MBOAT7: variants seen among roughly 807,000 people sequenced by gnomAD.
MBOAT7 encodes membrane-bound acylglycerophosphatidylinositol O-acyltransferase MBOAT7.
MBOAT7 carries 40 observed loss-of-function variants against 47.4 expected under a neutral mutation model. That is an observed-to-expected ratio of 0.84 (90% CI 0.66 to 1.10). The LOEUF (loss-of-function observed/expected upper bound fraction) is 1.10, where lower values mean the gene tolerates loss of function less well. MBOAT7 is among the 50% of genes least tolerant of loss of function. MBOAT7 has a pLI of 0.00. For missense variants in MBOAT7, 680 were observed against 655.6 expected (o/e 1.04, Z -0.41); for synonymous variants, 361 against 292.0 (o/e 1.24, Z -2.41).
intron 7 of MBOAT7, among the ~76,000 whole-genome samples, chr19:54,176,584 T>C (rs918766158): frequency 6.6e-6 from 1 of 152,088 alleles, no homozygotes; most frequent in African/African-American, 2.4e-5. Flanking sequence ...TTTAGGAGCA[T>C]CCCTGGCCCC....
chr19:54,188,188 T>G (rs984257715), intron 3 of MBOAT7, 29 bp downstream of exon 3: 5 of 1,569,780 alleles, frequency 3.2e-6, no homozygotes, highest in Non-Finnish European at 4.3e-6. Context: ...TCCCCTCCTC[T>G]CCCTCTCCTC....
Position 54,181,319 on chromosome 19 carries a change from CA to C in MBOAT7, c.494-187del, listed in dbSNP as rs577383562. Among the ~76,000 whole-genome samples, 103 of 152,062 alleles carry C rather than the reference CA, an allele frequency of 6.8e-4. 1 individual carries two copies. Among genetic ancestry groups the C allele is most frequent in the African/African-American group, 7.5e-4 (31 of 41,504 alleles). ...AGAGATGGGGATAAGGAACGAGAGA[CA>C]GGGGGGACAAGAAACTCAGAGAGAC... On this transcript the variant is annotated intron_variant, in intron 5 of 7. Transcript: ENST00000245615.
chr19:54,178,549 T>A (rs1441302006), intron 7 of MBOAT7: 1 of 1,424,180 alleles, frequency 7.0e-7, no homozygotes, highest in Admixed American at 3.0e-5. Context: ...GAGGCTGACT[T>A]TACAGAAGTA....
intron 1 of MBOAT7, among the ~76,000 whole-genome samples, 196 bp from the exon 2 acceptor site, chr19:54,188,707 C>G (rs961983136): frequency 6.6e-6 from 1 of 152,130 alleles, no homozygotes; most frequent in Non-Finnish European, 1.5e-5. Flanking sequence ...GACAGGAATC[C>G]ACCCCCAGCC....
chr19:54,175,141 A>G (rs901985396), intron 7 of MBOAT7, among the ~76,000 whole-genome samples: 3 of 151,902 alleles, frequency 2.0e-5, no homozygotes, highest in African/African-American at 4.8e-5. Context: ...ACGCCCGGCT[A>G]ATTTTCTTTT....
chr19:54,174,936 T>C (rs1366932630), intron 7 of MBOAT7, among the ~76,000 whole-genome samples: 1 of 151,082 alleles, frequency 6.6e-6, no homozygotes, highest in Non-Finnish European at 1.5e-5. Flanking sequence ...CTGCCCTTCC[T>C]CTCCCAGGAC....
chr19:54,174,842 G>T (rs999783596), intron 7 of MBOAT7, among the ~76,000 whole-genome samples: 3 of 152,162 alleles, frequency 2.0e-5, no homozygotes, highest in East Asian at 1.9e-4. Flanking sequence ...CTCCTTCAGG[G>T]ATCCAGGAGC....
At position 54,188,069 on chromosome 19, in the gene MBOAT7, G is replaced by GAAAGAAAGAAAA. The variant is rs1416964687; in HGVS notation, c.206+147_206+148insTTTTCTTTCTTT. Reference sequence around the variant, plus strand: ...AGAAAGAAAGAAAGAAAGAAAGAAAGACAAACAAACAAACATGAAACAGAG... The same window carrying GAAAGAAAGAAAA: ...AGAAAGAAAGAAAGAAAGAAAGAAAGAAAGAAAGAAAAACAAACAAACAAACATGAAACAGAG... On this transcript the variant is annotated intron_variant, in intron 3 of 7. Transcript: ENST00000245615. The GAAAGAAAGAAAA allele has an allele frequency of 9.3e-3, 1,900 of 203,342 alleles. 21 individuals carry two copies. Among genetic ancestry groups the GAAAGAAAGAAAA allele is most frequent in the African/African-American group, 0.012 (390 of 33,606 alleles). The allele number at this position is 203,342 out of a possible 1,614,324, so 12.6% of individuals were successfully genotyped here. A position where few individuals can be genotyped will look rare whatever the true frequency, so the allele number is the denominator to read the frequency against.
Position 54,174,428 on chromosome 19 carries a change from G to C in MBOAT7, c.1035C>G (p.Ser345Arg). The change falls in exon 8 of 8, where the codon AGC (serine) becomes AGG (arginine). Residue 345 changes from serine (S) to arginine (R), a missense_variant. Physicochemically the swap from Ser to Arg is moderately radical, Grantham distance 110. Coordinates refer to ENST00000245615, the MANE Select transcript of MBOAT7 (RefSeq NM_024298.5). ...SAPARSYVLR[S>R]AWTMLLSAYW... ...AGGCGCTCAGCAGCATGGTCCAGGCGCTCCTGAGGAGGAGGCTGGGAGTCA... is the reference window on the plus strand; with the variant it reads ...AGGCGCTCAGCAGCATGGTCCAGGCCCTCCTGAGGAGGAGGCTGGGAGTCA... The C allele has an allele frequency of 6.5e-7, 1 of 1,545,834 alleles. No homozygotes were observed. Among genetic ancestry groups the C allele is most frequent in the Non-Finnish European group, 8.7e-7 (1 of 1,146,290 alleles).
intron 5 of MBOAT7, 35 bp from the exon 6 acceptor site, chr19:54,181,168 G>A (rs2076261231): frequency 6.9e-7 from 1 of 1,449,260 alleles, no homozygotes; most frequent in Non-Finnish European, 9.1e-7. Flanking sequence ...CGGTCAGACA[G>A]GCAGGTGGGC....
intron 7 of MBOAT7, among the ~76,000 whole-genome samples, chr19:54,175,168 C>G (rs8111894): frequency 1.3e-5 from 2 of 151,788 alleles, no homozygotes; most frequent in Non-Finnish European, 1.5e-5. Flanking sequence ...TTAGTAGAGA[C>G]GGGGTTTCAC....
At chr19:54,186,486 C>G (rs1273758999) in intron 4 of MBOAT7, among the ~76,000 whole-genome samples, 1 of 152,174 alleles carries the variant, frequency 6.6e-6, no homozygotes, top group Non-Finnish European at 1.5e-5. Flanking sequence ...CCCTTTTGCT[C>G]GTCCCAGAAA....
At chr19:54,184,070 T>G (rs902447794) in intron 4 of MBOAT7, among the ~76,000 whole-genome samples, 1 of 151,878 alleles carries the variant, frequency 6.6e-6, no homozygotes, top group African/African-American at 2.4e-5. Context: ...GTAGACCCTC[T>G]TCTAGTGTCA....
chr19:54,183,853 C>T lies in MBOAT7; in HGVS notation c.334-173G>A, dbSNP rs760716945. Among the ~76,000 whole-genome samples, 59 of 152,210 alleles carry T rather than the reference C, an allele frequency of 3.9e-4. 1 individual carries two copies. Among genetic ancestry groups the T allele is most frequent in the Admixed American group, 1.3e-4 (2 of 15,276 alleles). ...GGCGGTGTTCCCCAGGGCTCAGTCC[C>T]AGGCCCTCCTCCCCTTTCCCTGTTC... On this transcript the variant is annotated intron_variant, in intron 4 of 7. Transcript: ENST00000245615.
Position 54,174,297 on chromosome 19 carries a change from G to A in MBOAT7, c.1166C>T (p.Pro389Leu). 6.2e-7 allele frequency: 1 copy of A among 1,613,106 alleles called. No individual in the cohort carries two copies. The highest frequency in any genetic ancestry group is 1.1e-5 in the South Asian group (1 of 90,974). Residue 389 changes from proline (P) to leucine (L), a missense_variant, in exon 8 of 8, where the codon CCA becomes CTA. Coordinates refer to ENST00000245615, the MANE Select transcript of MBOAT7 (RefSeq NM_024298.5). ...CCAGTCCCAGGCCTTCTGGCCCCCTGGGCTCAGCCGCCCCCGCAGGGCTGA... is the reference window on the plus strand; with the variant it reads ...CCAGTCCCAGGCCTTCTGGCCCCCTAGGCTCAGCCGCCCCCGCAGGGCTGA... ...LESALRGRLS[P>L]GGQKAWDWVH... is the part of the protein sequence containing the mutation.
At chr19:54,178,140 G>C in intron 7 of MBOAT7, 2 of 679,386 alleles carry the variant, frequency 2.9e-6, no homozygotes, top group Non-Finnish European at 3.6e-6. Flanking sequence ...TCGAACTCCT[G>C]ACCTCATGAT....
At chr19:54,177,665 C>T (rs2076145593) in intron 7 of MBOAT7, among the ~76,000 whole-genome samples, 1 of 152,072 alleles carries the variant, frequency 6.6e-6, no homozygotes, top group Non-Finnish European at 1.5e-5. Context: ...CAACCTCCGC[C>T]TCCCGGGTTC....
rs2076227576 is a variant in MBOAT7 at position 54,180,331 on chromosome 19, T to C, written c.854+442A>G. ...CTGGTAAAAAGGAGGTGAGCTACTG[T>C]TGCTAGGGATCCTGCTTCCCTAGCA... On this transcript the variant is annotated intron_variant, in intron 6 of 7. Coordinates refer to ENST00000245615, the MANE Select transcript of MBOAT7 (RefSeq NM_024298.5). This position sits in a 1 kb window ranked among gnomAD's most constrained non-coding sequence, Gnocchi z 5.2. 1 of 159,986 alleles carries C rather than the reference T, an allele frequency of 6.3e-6. No homozygotes were observed. Among genetic ancestry groups the C allele is most frequent in the Admixed American group, 6.4e-5 (1 of 15,602 alleles). 9.9% of individuals were successfully genotyped at this position (159,986 alleles called of 1,614,324 possible). A position where few individuals can be genotyped will look rare whatever the true frequency, so the allele number is the denominator to read the frequency against.
In MBOAT7 at chr19:54,180,568, G is replaced by C. The variant is rs2076233035; in HGVS notation, c.854+205C>G. ...CCACACTGCGGGGTGACAAGCGCTAGCAACAAGGGGCATCTGTCAGTACCA... is the reference window on the plus strand; with the variant it reads ...CCACACTGCGGGGTGACAAGCGCTACCAACAAGGGGCATCTGTCAGTACCA... On this transcript the variant is annotated intron_variant, in intron 6 of 7. Transcript: ENST00000245615. This position sits in a 1 kb window ranked among gnomAD's most constrained non-coding sequence, Gnocchi z 5.2. 2 of 567,928 alleles carry C rather than the reference G, an allele frequency of 3.5e-6. No individual in the cohort carries two copies. The highest frequency in any genetic ancestry group is 4.7e-5 in the South Asian group (2 of 42,162). The allele number at this position is 567,928 out of a possible 1,614,324, so 35.2% of individuals were successfully genotyped here.
Sources: gnomAD v4.1 joint callset for allele counts (sites outside exome capture counted in the v4.1 genomes callset) on GRCh38, gnomAD v4.1.1 for gene constraint, Gnocchi (gnomAD v3.1) non-coding constraint, MANE v1.5 for transcripts, NCBI Gene and HGNC (gene_info 2026-07-23, HGNC 2026-07-21) for gene names.